The following NDUFA9 variants were observed in gnomAD, a reference collection of about 807,000 sequenced individuals.
The protein encoded by NDUFA9 is NADH:ubiquinone oxidoreductase subunit A9, also known as NADH dehydrogenase [ubiquinone] 1 alpha subcomplex subunit 9, mitochondrial.
NDUFA9 carries 23 observed loss-of-function variants against 45.9 expected under a neutral mutation model. The observed-to-expected ratio is 0.50, with a 90% CI of 0.36 to 0.71. The LOEUF (loss-of-function observed/expected upper bound fraction) is 0.71, where lower values mean the gene tolerates loss of function less well. Ranked by LOEUF, NDUFA9 falls within the 30% of genes least tolerant of loss-of-function variation. NDUFA9 has a pLI of 0.00. For synonymous variants in NDUFA9, 176 were observed against 170.5 expected, an observed-to-expected ratio of 1.03 and a Z score of -0.25; for missense variants, 466 against 488.2, an observed-to-expected ratio of 0.95 and a Z score of 0.43.
rs918629210 is a variant in NDUFA9 at position 4,664,706 on chromosome 12, C to G, written c.655+2071C>G. On this transcript the variant is annotated intron_variant, in intron 6 of 10. Coordinates refer to ENST00000266544, the MANE Select transcript of NDUFA9 (RefSeq NM_005002.5). ...CAGTAGGTCCTAGAAGTTAGAACTA[C>G]CGCTTCAGTGGGTCCTGAAGGTGAG... Among the ~76,000 whole-genome samples the G allele has an allele frequency of 4.6e-5, 7 of 152,302 alleles. No individual in the cohort carries two copies. The East Asian group carries it at 1.4e-3, about 29-fold the overall frequency.
chr12:4,672,806 C>T (rs951619769), intron 8 of NDUFA9, among the ~76,000 whole-genome samples: 2 of 152,248 alleles, frequency 1.3e-5, no homozygotes, highest in Non-Finnish European at 2.9e-5. Flanking sequence ...GGTGCAGCTT[C>T]AGCAGACTTT....
At chr12:4,679,036 TGAAAG>T (rs1321824885) in intron 8 of NDUFA9, among the ~76,000 whole-genome samples, 4 of 152,116 alleles carry the variant, frequency 2.6e-5, no homozygotes, top group Admixed American at 1.3e-4. Context: ...CATTAACTGA[TGAAAG>T]GAGAAATAAA....
intron 9 of NDUFA9, chr12:4,685,014 T>A (rs1162645330): frequency 3.2e-6 from 2 of 619,936 alleles, no homozygotes; most frequent in Non-Finnish European, 5.8e-6. Flanking sequence ...AAGTTTAAGA[T>A]CTGTTGTTTC....
chr12:4,667,021 T>A (rs1287855385), intron 6 of NDUFA9, among the ~76,000 whole-genome samples: 1 of 152,124 alleles, frequency 6.6e-6, no homozygotes, highest in African/African-American at 2.4e-5. Flanking sequence ...GTTGAGTAAT[T>A]TATAAAGAAG....
chr12:4,654,004 G>T (rs988322639), intron 1 of NDUFA9, among the ~76,000 whole-genome samples: 4 of 151,596 alleles, frequency 2.6e-5, no homozygotes, highest in Non-Finnish European at 4.4e-5. Flanking sequence ...TCCTTTTACC[G>T]TATAGGCTTA....
rs1386569549 is a variant in NDUFA9, at chr12:4,692,862, TAATA to T, written c.*5757_*5760del. Reference sequence around the variant, plus strand: ...AAAGGAGTACCTGAAGCTGGGTAATTAATAAAGAAAAGGGGTTTATTTGGCTCAC... The same window carrying T: ...AAAGGAGTACCTGAAGCTGGGTAATTAAGAAAAGGGGTTTATTTGGCTCAC... On this transcript the variant is annotated 3_prime_UTR_variant, in exon 11 of 11. Coordinates refer to ENST00000266544, the MANE Select transcript of NDUFA9 (RefSeq NM_005002.5). 3 of 152,704 alleles carry T rather than the reference TAATA, an allele frequency of 2.0e-5. No individual in the cohort carries two copies. The highest frequency in any genetic ancestry group is 7.2e-5 in the African/African-American group (3 of 41,462). The allele number at this position is 152,704 out of a possible 1,614,324, so 9.5% of individuals were successfully genotyped here.
chr12:4,672,829 C>T (rs2137478143), intron 8 of NDUFA9, among the ~76,000 whole-genome samples: 1 of 152,356 alleles, frequency 6.6e-6, no homozygotes, highest in Non-Finnish European at 1.5e-5. Flanking sequence ...ACATCCCTGC[C>T]TGGCAGCTCT....
chr12:4,670,730 A>G (rs1293354874), intron 8 of NDUFA9, among the ~76,000 whole-genome samples: 1 of 152,220 alleles, frequency 6.6e-6, no homozygotes, highest in Admixed American at 6.5e-5. Context: ...TCTCCTTTTC[A>G]GTTCCCAGTT....
chr12:4,677,043 A>C (rs912700834), intron 8 of NDUFA9, among the ~76,000 whole-genome samples: 4 of 152,354 alleles, frequency 2.6e-5, no homozygotes, highest in East Asian at 3.9e-4. Context: ...AAAAACAAGC[A>C]ATGAGGAAAT....
intron 8 of NDUFA9, among the ~76,000 whole-genome samples, chr12:4,673,792 C>T (rs1945902486): frequency 1.3e-5 from 2 of 152,162 alleles, no homozygotes; most frequent in Admixed American, 6.5e-5. Flanking sequence ...GGCAGGCCAA[C>T]ATTCAAATTC....
At chr12:4,676,894 C>G (rs915829762) in intron 8 of NDUFA9, among the ~76,000 whole-genome samples, 2 of 152,206 alleles carry the variant, frequency 1.3e-5, no homozygotes, top group Non-Finnish European at 2.9e-5. Context: ...TACCTGACTT[C>G]AAACTATACT....
chr12:4,677,975 G>A (rs1945930361), intron 8 of NDUFA9, among the ~76,000 whole-genome samples: 3 of 152,202 alleles, frequency 2.0e-5, no homozygotes, highest in Admixed American at 1.3e-4. Context: ...AGAAAAGGAT[G>A]AGTTCATGTC....
rs114831072 is a variant in NDUFA9 at position 4,685,790 on chromosome 12, G to T, written c.963+465G>T. On this transcript the variant is annotated intron_variant, in intron 10 of 10. Transcript: ENST00000266544. ...TTTTCAAGGTTATCCACAATCTCCA[G>T]TCTCCTTGCTGCCACATCCAATGGT... is the stretch of plus-strand genomic sequence containing the variant. Among the ~76,000 whole-genome samples the T allele has an allele frequency of 2.4e-3, 368 of 152,216 alleles. 1 individual carries two copies. Among genetic ancestry groups the T allele is most frequent in the African/African-American group, 8.6e-3 (358 of 41,532 alleles).
rs1217253676 is a variant in NDUFA9 at position 4,694,140 on chromosome 12, A to G, written c.*7032A>G. The G allele has an allele frequency of 6.6e-6, 1 of 152,236 alleles. No individual in the cohort carries two copies. Among genetic ancestry groups the G allele is most frequent in the Non-Finnish European group, 1.5e-5 (1 of 68,044 alleles). The allele number at this position is 152,236 out of a possible 1,614,324, so 9.4% of individuals were successfully genotyped here. A position where few individuals can be genotyped will look rare whatever the true frequency, so the allele number is the denominator to read the frequency against. On this transcript the variant is annotated 3_prime_UTR_variant, in exon 11 of 11. Transcript: ENST00000266544. ...AGCTGTAGGTAACTGATAGCAGAGC[A>G]AAATAATTCTTGTCTATAGACGTGT... is the stretch of plus-strand genomic sequence containing the variant.
chr12:4,657,584 T>G, intron 3 of NDUFA9, 164 bp from the exon 4 acceptor site: 1 of 599,134 alleles, frequency 1.7e-6, no homozygotes. Flanking sequence ...GCAGGGAGTC[T>G]GAGATGTCAT....
chr12:4,658,874 G>C (rs1295223985), intron 4 of NDUFA9, among the ~76,000 whole-genome samples, 162 bp from the exon 5 acceptor site: 1 of 152,150 alleles, frequency 6.6e-6, no homozygotes, highest in Non-Finnish European at 1.5e-5. Flanking sequence ...ACAGGCATGA[G>C]CCACCACACC....
At chr12:4,678,985 C>T (rs967670999) in intron 8 of NDUFA9, among the ~76,000 whole-genome samples, 15 of 152,034 alleles carry the variant, frequency 9.9e-5, no homozygotes, top group African/African-American at 3.1e-4. Flanking sequence ...TTCATAGCAG[C>T]GTTATCATAA....
chr12:4,682,146 A>G, intron 8 of NDUFA9, 59 bp from the exon 9 acceptor site: 2 of 1,291,858 alleles, frequency 1.5e-6, no homozygotes, highest in East Asian at 2.3e-5. Flanking sequence ...TTATTTTGTT[A>G]TAAAGGAAAC....
chr12:4,686,351 G>C (rs768476241), intron 10 of NDUFA9, among the ~76,000 whole-genome samples: 18 of 151,828 alleles, frequency 1.2e-4, no homozygotes, highest in South Asian at 4.2e-4. Context: ...AAACAAGATG[G>C]GTTTGGTTTT....
Sources: allele counts gnomAD v4.1 joint callset (sites outside exome capture counted in the v4.1 genomes callset), GRCh38; gene constraint gnomAD v4.1.1; transcripts MANE v1.5; gene names NCBI Gene and HGNC (gene_info 2026-07-23, HGNC 2026-07-21).